The following SGSM1 variants were observed in gnomAD, a reference collection of about 807,000 sequenced individuals.
The protein encoded by SGSM1 is RUN and TBC1 domain containing 2.
A neutral mutation model predicts 133.8 loss-of-function variants in SGSM1; 73 were observed. The observed-to-expected ratio is 0.55, with a 90% CI of 0.45 to 0.66. The LOEUF (loss-of-function observed/expected upper bound fraction) is 0.66, where lower values mean the gene tolerates loss of function less well. SGSM1 is among the 30% of genes least tolerant of loss of function. SGSM1 has a pLI of 0.00. For missense variants in SGSM1, 1,213 were observed against 1,448.1 expected (o/e 0.84, Z 2.64); for synonymous variants, 563 against 573.0 (o/e 0.98, Z 0.25).
chr22:24,891,937 G>A (rs1932821720), intron 16 of SGSM1, among the ~76,000 whole-genome samples: 1 of 152,118 alleles, frequency 6.6e-6, no homozygotes, highest in African/African-American at 2.4e-5. Context: ...GTTTAGGGAG[G>A]GGCAGGAAGG....
chr22:24,831,231 G>A (rs765153194), intron 2 of SGSM1, among the ~76,000 whole-genome samples: 1 of 151,772 alleles, frequency 6.6e-6, no homozygotes, highest in Non-Finnish European at 1.5e-5. Flanking sequence ...TCAACACCAG[G>A]AGGTGGAGCG....
intron 21 of SGSM1, among the ~76,000 whole-genome samples, chr22:24,911,308 T>TTTTTA (rs1933611362): frequency 2.5e-5 from 3 of 121,888 alleles, no homozygotes; most frequent in Non-Finnish European, 5.2e-5. Flanking sequence ...TTTTTTTTTT[T>TTTTTA]GAGATGGAGT....
intron 2 of SGSM1, among the ~76,000 whole-genome samples, chr22:24,810,264 G>A (rs1927657186): frequency 6.6e-6 from 1 of 151,990 alleles, no homozygotes; most frequent in Admixed American, 6.6e-5. Context: ...TAATGGGGAT[G>A]AAAATGATTC....
chr22:24,893,351 C>A (rs1469266953), intron 16 of SGSM1, 80 bp from the exon 17 acceptor site: 6 of 1,454,540 alleles, frequency 4.1e-6, no homozygotes, highest in Middle Eastern at 1.9e-4. Flanking sequence ...GGATCAGAGC[C>A]ACTCTCTTCC....
At chr22:24,853,186 G>A (rs935080258) in intron 5 of SGSM1, among the ~76,000 whole-genome samples, 3 of 152,178 alleles carry the variant, frequency 2.0e-5, no homozygotes, top group African/African-American at 7.2e-5. Flanking sequence ...AGGCAGAGCT[G>A]GGCTCCCACC....
At chr22:24,823,792 C>A (rs1238162966) in intron 2 of SGSM1, among the ~76,000 whole-genome samples, 1 of 151,876 alleles carries the variant, frequency 6.6e-6, no homozygotes, top group Admixed American at 6.6e-5. Context: ...TACCTATAGT[C>A]CCAGCTACTC....
chr22:24,828,339 A>G (rs932747748), intron 2 of SGSM1, among the ~76,000 whole-genome samples: 3 of 152,182 alleles, frequency 2.0e-5, no homozygotes, highest in African/African-American at 7.2e-5. Flanking sequence ...GGGGATAATA[A>G]TGCTCTTTTG....
In SGSM1 at chr22:24,924,095, A is replaced by T. The variant is rs1787044335; in HGVS notation, c.3194-91A>T. The T allele has an allele frequency of 2.7e-6, 3 of 1,094,412 alleles. No individual in the cohort carries two copies. The African/African-American group carries it at 4.7e-5, about 17-fold the overall frequency. 67.8% of individuals were successfully genotyped at this position (1,094,412 alleles called of 1,614,324 possible). Reference sequence around the variant, plus strand: ...CTTCCTGAGTCAATCTGTGATGGAGATGCCCCCAGAGAAGCCTCCAGGGGC... The same window carrying T: ...CTTCCTGAGTCAATCTGTGATGGAGTTGCCCCCAGAGAAGCCTCCAGGGGC... On this transcript the variant is annotated intron_variant, in intron 24 of 24. Coordinates refer to ENST00000400358, the MANE Select transcript of SGSM1 (RefSeq NM_001098497.3).
intron 9 of SGSM1, among the ~76,000 whole-genome samples, chr22:24,863,803 A>G (rs1931295788): frequency 6.8e-6 from 1 of 148,088 alleles, no homozygotes; most frequent in Non-Finnish European, 1.5e-5. Flanking sequence ...GTGAAATGGC[A>G]TGATCTCGGC....
At position 24,855,546 on chromosome 22, in the gene SGSM1, C is replaced by T. The variant is rs1261350731; in HGVS notation, c.670-3C>T. 1.2e-6 allele frequency: 2 copies of T among 1,613,728 alleles called. No homozygotes were observed. The highest frequency in any genetic ancestry group is 4.5e-5 in the East Asian group (2 of 44,890). The stretch of plus-strand genomic sequence containing the variant: ...CCCTCTGTCTCCCGTCACTCTCTAC[C>T]AGATCCAGAAGAGGCATTCCAGTGG... On this transcript the variant is annotated splice_region_variant and splice_polypyrimidine_tract_variant and intron_variant, in intron 7 of 24. Coordinates refer to ENST00000400358, the MANE Select transcript of SGSM1 (RefSeq NM_001098497.3).
chr22:24,901,691 C>T (rs2123711944), intron 19 of SGSM1, 142 bp from the exon 20 acceptor site: 1 of 878,642 alleles, frequency 1.1e-6, no homozygotes, highest in East Asian at 3.0e-5. Context: ...AAATCAAACA[C>T]CTGGCTGGTC....
rs1178344674 is a variant in SGSM1, at chr22:24,919,814, G to T, written c.3026-12G>T. Reference sequence around the variant, plus strand: ...ACCAATTCTCTCCCCATGTGTGTTGGTGTCTTGGCAGAACTCGTCTATGAT... The same window carrying T: ...ACCAATTCTCTCCCCATGTGTGTTGTTGTCTTGGCAGAACTCGTCTATGAT... On this transcript the variant is annotated splice_polypyrimidine_tract_variant and intron_variant, in intron 23 of 24. Coordinates refer to ENST00000400358, the MANE Select transcript of SGSM1 (RefSeq NM_001098497.3). 6.2e-7 allele frequency: 1 copy of T among 1,613,634 alleles called. No individual in the cohort carries two copies. The highest frequency in any genetic ancestry group is 1.3e-5 in the African/African-American group (1 of 74,950).
At chr22:24,863,634 T>C (rs369319016) in intron 9 of SGSM1, among the ~76,000 whole-genome samples, 1 of 152,146 alleles carries the variant, frequency 6.6e-6, no homozygotes, top group East Asian at 1.9e-4. Flanking sequence ...GGTTGGTGTG[T>C]CGGGAAGGGG....
chr22:24,866,915 A>T (rs1931488534), intron 9 of SGSM1, among the ~76,000 whole-genome samples, 178 bp from the exon 10 acceptor site: 1 of 152,012 alleles, frequency 6.6e-6, no homozygotes, highest in Non-Finnish European at 1.5e-5. Flanking sequence ...ACCTCGGAAA[A>T]TTGGGGTTCT....
chr22:24,868,921 G>T, intron 12 of SGSM1, 66 bp downstream of exon 12: 1 of 1,574,278 alleles, frequency 6.4e-7, no homozygotes, highest in Admixed American at 1.8e-5. Flanking sequence ...GACTCCAGGT[G>T]TTTGAAACTA....
At chr22:24,861,833 A>G (rs1210554332) in intron 9 of SGSM1, among the ~76,000 whole-genome samples, 1 of 143,202 alleles carries the variant, frequency 7.0e-6, no homozygotes, top group African/African-American at 2.6e-5. Flanking sequence ...TTTTTTTTTA[A>G]TTTCTATTTT....
At chr22:24,876,503 C>G (rs1932030002) in intron 12 of SGSM1, 74 bp from the exon 13 acceptor site, 2 of 1,590,694 alleles carry the variant, frequency 1.3e-6, no homozygotes, top group East Asian at 4.5e-5. Context: ...GCTGCTTGCT[C>G]TAGGGTGAGA....
intron 2 of SGSM1, among the ~76,000 whole-genome samples, chr22:24,824,017 C>T (rs2147798980): frequency 6.6e-6 from 1 of 152,318 alleles, no homozygotes; most frequent in Non-Finnish European, 1.5e-5. Flanking sequence ...AGGATTTACC[C>T]AAGATCATGC....
intron 21 of SGSM1, among the ~76,000 whole-genome samples, chr22:24,910,084 G>C (rs1248346935): frequency 6.6e-6 from 1 of 152,166 alleles, no homozygotes; most frequent in African/African-American, 2.4e-5. Flanking sequence ...AGTGAAAGAA[G>C]CCAGACACAA....
Sources: allele counts gnomAD v4.1 joint callset (sites outside exome capture counted in the v4.1 genomes callset), GRCh38; gene constraint gnomAD v4.1.1; transcripts MANE v1.5; gene names NCBI Gene and HGNC (gene_info 2026-07-23, HGNC 2026-07-21).